The following MBTPS2 variants were observed in gnomAD, a reference collection of about 807,000 sequenced individuals.
The protein encoded by MBTPS2 is membrane bound transcription factor peptidase, site 2.
In MBTPS2, 2 loss-of-function variants were observed where a neutral mutation model predicts 35.4. That is an observed-to-expected ratio of 0.06 (90% CI 0.02 to 0.18). MBTPS2 has a LOEUF of 0.18. MBTPS2 is among the 10% of genes least tolerant of loss of function. The pLI is 1.00. For missense variants in MBTPS2, 244 were observed against 386.5 expected, an observed-to-expected ratio of 0.63 and a Z score of 3.09; for synonymous variants, 125 against 140.4, an observed-to-expected ratio of 0.89 and a Z score of 0.77.
At chrX:21,858,604 A>T (rs921115746) in intron 5 of MBTPS2, 1 of 123,004 alleles carries the variant, frequency 8.1e-6, no homozygotes, top group African/African-American at 3.3e-5. Flanking sequence ...TAAAATGCCA[A>T]TAGTGTCAGG....
At chrX:21,858,819 G>T (rs1337930199) in intron 5 of MBTPS2, 1 of 103,328 alleles carries the variant, frequency 9.7e-6, no homozygotes, top group Non-Finnish European at 2.0e-5. Context: ...AGCTGGGGAA[G>T]TCGAGGCTGC....
intron 3 of MBTPS2, among the ~76,000 whole-genome samples, chrX:21,850,586 G>A (rs1214173729): frequency 9.0e-6 from 1 of 111,225 alleles, no homozygotes; most frequent in Non-Finnish European, 1.9e-5. Flanking sequence ...GTATGTAAAT[G>A]GTATTCCTGA....
chrX:21,879,971 G>C (rs893228000), intron 9 of MBTPS2, among the ~76,000 whole-genome samples: 1 of 11,203 alleles, frequency 8.9e-5, no homozygotes, highest in Non-Finnish European at 1.3e-4. Flanking sequence ...TTTTTTTTTT[G>C]AGACGGAGTT....
At position 21,857,677 on chromosome X, in the gene MBTPS2, G is replaced by A. The variant is rs774929965; in HGVS notation, c.670+4174G>A. The A allele has an allele frequency of 9.7e-6, 10 of 1,026,748 alleles. No homozygotes were observed. In the African/African-American group the frequency reaches 1.9e-4, roughly 19 times the overall value. The allele number at this position is 1,026,748 out of a possible 1,213,427, so 84.6% of individuals were successfully genotyped here. A position where few individuals can be genotyped will look rare whatever the true frequency, so the allele number is the denominator to read the frequency against. On this transcript the variant is annotated intron_variant, in intron 5 of 10. Transcript: ENST00000379484. Reference sequence around the variant, plus strand: ...GTAGGGAATAAATATGCCTCTCAAAGCTTTGTATGTTGTTTCTAAGAGTTT... The same window carrying A: ...GTAGGGAATAAATATGCCTCTCAAAACTTTGTATGTTGTTTCTAAGAGTTT...
intron 5 of MBTPS2, chrX:21,857,785 A>G: frequency 2.0e-6 from 1 of 492,486 alleles, no homozygotes; most frequent in Non-Finnish European, 3.2e-6. Flanking sequence ...TTAAAAAGGT[A>G]AACCTTGACA....
At chrX:21,840,978 A>G (rs140892754) in intron 1 of MBTPS2, among the ~76,000 whole-genome samples, 3,593 of 111,771 alleles carry the variant, frequency 0.032, 147 homozygotes, top group African/African-American at 0.11. Flanking sequence ...TCGCTCCTCA[A>G]CTTGAGGTTC....
chrX:21,860,712 T>G (rs1168214118), intron 5 of MBTPS2, among the ~76,000 whole-genome samples: 1 of 112,201 alleles, frequency 8.9e-6, no homozygotes, highest in Non-Finnish European at 1.9e-5. Context: ...TTTACTCATT[T>G]GTTCATGTCT....
intron 5 of MBTPS2, among the ~76,000 whole-genome samples, chrX:21,860,533 AAGAGGTTGTTC>A (rs1203042696): frequency 1.8e-5 from 2 of 112,556 alleles, no homozygotes; most frequent in African/African-American, 6.5e-5. Context: ...ATTAATGGGC[AAGAGGTTGTTC>A]AGATGAAAGA....
Position 21,853,592 on chromosome X carries a change from T to C in MBTPS2, c.670+89T>C, listed in dbSNP as rs2092917123. On this transcript the variant is annotated intron_variant, in intron 5 of 10. Transcript: ENST00000379484. ...TGCTTTTTGGAAAATATATCACAAA[T>C]GACAATATCTTATCTTTTGGTTAAT... is the stretch of plus-strand genomic sequence containing the variant. 3 of 882,560 alleles carry C rather than the reference T, an allele frequency of 3.4e-6. No homozygotes were observed. The East Asian group carries it at 9.5e-5, about 28-fold the overall frequency. 72.7% of individuals were successfully genotyped at this position (882,560 alleles called of 1,213,427 possible). A position where few individuals can be genotyped will look rare whatever the true frequency, so the allele number is the denominator to read the frequency against.
At chrX:21,865,585 C>T (rs2092938692) in intron 5 of MBTPS2, among the ~76,000 whole-genome samples, 1 of 112,439 alleles carries the variant, frequency 8.9e-6, no homozygotes, top group Admixed American at 9.4e-5. Context: ...AAGTAAAAAA[C>T]ATTGGTGATA....
chrX:21,859,483 CCCAAAATACTACCAGATGCTGT>C (rs1396260257), intron 5 of MBTPS2, among the ~76,000 whole-genome samples: 2 of 99,864 alleles, frequency 2.0e-5, no homozygotes, highest in East Asian at 6.5e-4. Flanking sequence ...TTTTATTTTC[CCCAAAATACTACCAGATGCTGT>C]TGTTTAGTGT....
intron 10 of MBTPS2, 72 bp downstream of exon 10, chrX:21,881,044 A>C: frequency 1.4e-6 from 1 of 730,772 alleles, no homozygotes; most frequent in East Asian, 3.2e-5. Flanking sequence ...CCTTGAATAC[A>C]GCATTACAAA....
intron 3 of MBTPS2, among the ~76,000 whole-genome samples, chrX:21,850,270 C>T (rs1027660762): frequency 6.3e-5 from 7 of 110,977 alleles, no homozygotes; most frequent in East Asian, 5.6e-4. Context: ...CATGGGAAGA[C>T]GTCTGTGATA....
chrX:21,841,291 C>T (rs772325897), intron 1 of MBTPS2, among the ~76,000 whole-genome samples: 1 of 111,746 alleles, frequency 8.9e-6, no homozygotes, highest in South Asian at 3.8e-4. Flanking sequence ...CATGGTGGTG[C>T]ATGCCTGTAG....
rs2092916961 is a variant in MBTPS2, at chrX:21,853,393, A to G, written c.560A>G (p.Asn187Ser). ...TTTCTTAGGGAACAAGTTCGATTTA[A>G]TGGCTTTGGGATTTTTCTCTTCATT... Reference protein sequence around the residue: ...IAAIREQVRFNGFGIFLFIIY... With the variant: ...IAAIREQVRFSGFGIFLFIIY... Residue 187 changes from asparagine (N) to serine (S), a missense_variant, in exon 5 of 11, where the codon AAT (asparagine) becomes AGT (serine). By Grantham distance (46) the Asn-to-Ser change is conservative. Transcript: ENST00000379484. 8.3e-7 allele frequency: 1 copy of G among 1,202,254 alleles called. No homozygotes were observed. The highest frequency in any genetic ancestry group is 3.0e-5 in the East Asian group (1 of 33,687).
intron 1 of MBTPS2, among the ~76,000 whole-genome samples, chrX:21,842,319 AGAT>A (rs1178329103): frequency 2.7e-5 from 3 of 112,046 alleles, no homozygotes; most frequent in Non-Finnish European, 5.6e-5. Flanking sequence ...AGATGGCTTT[AGAT>A]AAGTTTTTTA....
intron 5 of MBTPS2, among the ~76,000 whole-genome samples, chrX:21,862,943 T>TATATAAACATATATATATAAAC (rs2092934370): frequency 2.3e-5 from 1 of 44,193 alleles, no homozygotes; most frequent in African/African-American, 1.1e-4. Flanking sequence ...CATATATATA[T>TATATAAACATATATATATAAAC]ATATATATAT....
intron 7 of MBTPS2, among the ~76,000 whole-genome samples, chrX:21,876,946 C>G (rs1569328609): frequency 9.0e-6 from 1 of 111,682 alleles, no homozygotes; most frequent in Admixed American, 9.5e-5. Context: ...TTTTCATCAG[C>G]ACATCTGAGT....
chrX:21,849,789 G>A (rs1405606001), intron 3 of MBTPS2, among the ~76,000 whole-genome samples: 1 of 106,003 alleles, frequency 9.4e-6, no homozygotes, highest in Non-Finnish European at 1.9e-5. Flanking sequence ...CACTTTGGGA[G>A]GCGGAGGAAG....
Sources: allele counts gnomAD v4.1 joint callset (sites outside exome capture counted in the v4.1 genomes callset), GRCh38; gene constraint gnomAD v4.1.1; transcripts MANE v1.5; gene names NCBI Gene and HGNC (gene_info 2026-07-23, HGNC 2026-07-21).